The following FOXP4 variants were observed in gnomAD, a reference collection of about 807,000 sequenced individuals.
FOXP4 encodes the protein forkhead box protein P4.
In FOXP4, 25 loss-of-function variants were observed where a neutral mutation model predicts 82.6. The observed-to-expected ratio is 0.30, with a 90% CI of 0.22 to 0.42. The LOEUF (loss-of-function observed/expected upper bound fraction) is 0.42, where lower values mean the gene tolerates loss of function less well. FOXP4 is among the 10% of genes least tolerant of loss of function. FOXP4 has a pLI of 1.00. For synonymous variants in FOXP4, 415 were observed against 388.2 expected, an observed-to-expected ratio of 1.07 and a Z score of -0.81; for missense variants, 785 against 900.9, an observed-to-expected ratio of 0.87 and a Z score of 1.65.
At position 41,598,939 on chromosome 6, in the gene FOXP4, G is replaced by T; in HGVS notation, c.*3G>T. On this transcript the variant is annotated 3_prime_UTR_variant, in exon 17 of 17. Transcript: ENST00000307972. ...TGCCGGGAGAAGAACTGTCCTAAGGGCCTGTAGTGACCGGCAGGGCTGGGG... is the reference window on the plus strand; with the variant it reads ...TGCCGGGAGAAGAACTGTCCTAAGGTCCTGTAGTGACCGGCAGGGCTGGGG... 6.3e-7 allele frequency: 1 copy of T among 1,590,756 alleles called. No individual in the cohort carries two copies. Among genetic ancestry groups the T allele is most frequent in the Non-Finnish European group, 8.5e-7 (1 of 1,170,522 alleles).
At chr6:41,556,352 C>CT (rs1764275936) in intron 1 of FOXP4, among the ~76,000 whole-genome samples, 1 of 146,446 alleles carries the variant, frequency 6.8e-6, no homozygotes, top group Non-Finnish European at 1.5e-5. Flanking sequence ...GAAATGGAGT[C>CT]TCGCTCTGTT....
intron 16 of FOXP4, among the ~76,000 whole-genome samples, chr6:41,598,529 T>C (rs1767013905): frequency 6.6e-6 from 1 of 152,176 alleles, no homozygotes; most frequent in Non-Finnish European, 1.5e-5. Context: ...CTCTTCTATC[T>C]TTCTTCTCCT....
chr6:41,560,517 C>T (rs186141649), intron 1 of FOXP4, among the ~76,000 whole-genome samples: 9 of 152,382 alleles, frequency 5.9e-5, no homozygotes, highest in African/African-American at 2.2e-4. Flanking sequence ...GGCCTCATCT[C>T]CACTCCAGCT....
intron 4 of FOXP4, 39 bp downstream of exon 4, chr6:41,584,930 GC>G: frequency 1.3e-6 from 2 of 1,567,806 alleles, no homozygotes; most frequent in Non-Finnish European, 1.7e-6. Flanking sequence ...CTCCTCCTCT[GC>G]CTGGCCTGGC....
At position 41,593,669 on chromosome 6, in the gene FOXP4, T is replaced by A. The variant is rs1487381450; in HGVS notation, c.1537-1201T>A. On this transcript the variant is annotated intron_variant, in intron 13 of 16. Transcript: ENST00000307972. This position sits in a 1 kb window ranked among gnomAD's most constrained non-coding sequence, Gnocchi z 4.1. Reference sequence around the variant, plus strand: ...GGAGCCCCGGCGTGATTAGGCCCTTTGTAATTATCGCTCCAAGAGATTCCA... The same window carrying A: ...GGAGCCCCGGCGTGATTAGGCCCTTAGTAATTATCGCTCCAAGAGATTCCA... 6.6e-6 allele frequency among the ~76,000 whole-genome samples: 1 copy of A among 152,164 alleles called. No individual in the cohort carries two copies. The highest frequency in any genetic ancestry group is 1.5e-5 in the Non-Finnish European group (1 of 68,040).
Position 41,573,597 on chromosome 6 carries a change from AG to A in FOXP4, c.205-4388del, listed in dbSNP as rs568439344. Among the ~76,000 whole-genome samples the A allele has an allele frequency of 1.9e-3, 290 of 152,232 alleles. 1 individual carries two copies. Among genetic ancestry groups the A allele is most frequent in the Non-Finnish European group, 3.2e-3 (220 of 68,016 alleles). On this transcript the variant is annotated intron_variant, in intron 2 of 16. Transcript: ENST00000307972. The stretch of plus-strand genomic sequence containing the variant: ...AAGGCCTTCTGGGTGGCACCAGGCA[AG>A]TGACCAGGAGCTGCTGGTGAAAGAT...
intron 5 of FOXP4, among the ~76,000 whole-genome samples, chr6:41,585,793 G>A (rs1581767721): frequency 6.6e-6 from 1 of 151,978 alleles, no homozygotes; most frequent in South Asian, 2.1e-4. Flanking sequence ...CCCCGTGTGT[G>A]GTGTCTGCCG....
intron 1 of FOXP4, among the ~76,000 whole-genome samples, chr6:41,563,141 C>T (rs1237140957): frequency 1.3e-5 from 2 of 152,156 alleles, no homozygotes; most frequent in Non-Finnish European, 2.9e-5. Flanking sequence ...TTCACAAATA[C>T]AGGGCACCCA....
Position 41,600,827 on chromosome 6 carries a change from CT to C in FOXP4, c.*1892del, listed in dbSNP as rs1415432279. 2 of 152,356 alleles carry C rather than the reference CT, an allele frequency of 1.3e-5. No individual in the cohort carries two copies. The highest frequency in any genetic ancestry group is 1.3e-4 in the Admixed American group (2 of 15,286). The allele number at this position is 152,356 out of a possible 1,614,324, so 9.4% of individuals were successfully genotyped here. ...CAGGGCCCACCCACCTCCGGTTCCC[CT>C]GTGCCTCCTGTCCCTTCCACGCTTA... On this transcript the variant is annotated 3_prime_UTR_variant, in exon 17 of 17. Transcript: ENST00000307972.
At chr6:41,597,659 C>T (rs1422828216) in intron 15 of FOXP4, 122 bp from the exon 16 acceptor site, 4 of 1,280,958 alleles carry the variant, frequency 3.1e-6, no homozygotes, top group Non-Finnish European at 3.2e-6. Context: ...GACAGATCCG[C>T]CCGTGGGGCC....
intron 13 of FOXP4, 59 bp from the exon 14 acceptor site, chr6:41,594,811 A>C (rs909758881): frequency 2.5e-6 from 4 of 1,606,078 alleles, no homozygotes; most frequent in Non-Finnish European, 3.4e-6. Context: ...GATGAGGACT[A>C]TCATGTTTGT....
Position 41,556,430 on chromosome 6 carries a change from TCTC to T in FOXP4, c.-16-9312_-16-9310del, listed in dbSNP as rs1764280307. Among the ~76,000 whole-genome samples, 3 of 151,610 alleles carry T rather than the reference TCTC, an allele frequency of 2.0e-5. No homozygotes were observed. In the South Asian group the frequency reaches 6.3e-4, roughly 32 times the overall value. ...GCTCCACCTCCCAGGTTCACACCAT[TCTC>T]CTGCCTCAGTCTCCTGAGTAGCTGG... On this transcript the variant is annotated intron_variant, in intron 1 of 16. Coordinates refer to ENST00000307972, the MANE Select transcript of FOXP4 (RefSeq NM_001012426.2).
intron 3 of FOXP4, among the ~76,000 whole-genome samples, chr6:41,580,662 G>A (rs1765746096): frequency 6.6e-6 from 1 of 152,204 alleles, no homozygotes; most frequent in Non-Finnish European, 1.5e-5. Context: ...TTGTCCTGAA[G>A]TAGGGCCCAG....
intron 1 of FOXP4, among the ~76,000 whole-genome samples, chr6:41,553,208 G>A (rs759253892): frequency 3.9e-5 from 6 of 152,130 alleles, no homozygotes; most frequent in Non-Finnish European, 5.9e-5. Context: ...ATTAAAAGGG[G>A]TGCTGCCTGC....
chr6:41,593,886 T>C lies in FOXP4; in HGVS notation c.1537-984T>C, dbSNP rs1460805402. ...ACCCGCTTTCTTCCCCGTTTAGAAA[T>C]GTAAAGAGGAGACAAGGATGGGGAC... On this transcript the variant is annotated intron_variant, in intron 13 of 16. Coordinates refer to ENST00000307972, the MANE Select transcript of FOXP4 (RefSeq NM_001012426.2). The surrounding 1 kb of genome is among the most constrained non-coding windows in gnomAD (Gnocchi z 4.1). Among the ~76,000 whole-genome samples the C allele has an allele frequency of 1.3e-5, 2 of 151,964 alleles. No homozygotes were observed. The highest frequency in any genetic ancestry group is 1.5e-5 in the Non-Finnish European group (1 of 68,004).
intron 4 of FOXP4, 125 bp downstream of exon 4, chr6:41,585,016 G>C: frequency 7.7e-7 from 1 of 1,305,988 alleles, no homozygotes; most frequent in Non-Finnish European, 1.0e-6. Context: ...AGGCCAGACT[G>C]ATCTGCATTC....
rs1325298973 is a variant in FOXP4, at chr6:41,602,012, C to T, written c.*3076C>T. Reference sequence around the variant, plus strand: ...AGGGTGAGTCTTTGCTGACCTCTCTCTACTCTCAGGCATGTCTTTTGTCCT... The same window carrying T: ...AGGGTGAGTCTTTGCTGACCTCTCTTTACTCTCAGGCATGTCTTTTGTCCT... On this transcript the variant is annotated 3_prime_UTR_variant, in exon 17 of 17. Transcript: ENST00000307972. 3 of 152,272 alleles carry T rather than the reference C, an allele frequency of 2.0e-5. No homozygotes were observed. The highest frequency in any genetic ancestry group is 7.2e-5 in the African/African-American group (3 of 41,452). 9.4% of individuals were successfully genotyped at this position (152,272 alleles called of 1,614,324 possible). A position where few individuals can be genotyped will look rare whatever the true frequency, so the allele number is the denominator to read the frequency against.
chr6:41,598,954 C>G lies in FOXP4; in HGVS notation c.*18C>G. ...TGTCCTAAGGGCCTGTAGTGACCGG[C>G]AGGGCTGGGGTGAGACCCCTCCCTT... is the stretch of plus-strand genomic sequence containing the variant. On this transcript the variant is annotated 3_prime_UTR_variant, in exon 17 of 17. Coordinates refer to ENST00000307972, the MANE Select transcript of FOXP4 (RefSeq NM_001012426.2). 6.4e-7 allele frequency: 1 copy of G among 1,568,220 alleles called. No homozygotes were observed. The highest frequency in any genetic ancestry group is 8.6e-7 in the Non-Finnish European group (1 of 1,160,276).
intron 2 of FOXP4, among the ~76,000 whole-genome samples, chr6:41,569,730 A>G (rs879545006): frequency 1.3e-5 from 2 of 152,044 alleles, no homozygotes; most frequent in Non-Finnish European, 2.9e-5. Flanking sequence ...CCCATTGTCC[A>G]TGGGTTGCGG....
Sources: gnomAD v4.1 joint callset for allele counts (sites outside exome capture counted in the v4.1 genomes callset) on GRCh38, gnomAD v4.1.1 for gene constraint, Gnocchi (gnomAD v3.1) non-coding constraint, MANE v1.5 for transcripts, NCBI Gene and HGNC (gene_info 2026-07-23, HGNC 2026-07-21) for gene names.